Variants in EPHB1 observed in about 807,000 individuals in gnomAD.
EPHB1 encodes ephrin type-B receptor 1.
EPHB1 carries 30 observed loss-of-function variants against 94.4 expected under a neutral mutation model. That is an observed-to-expected ratio of 0.32 (90% CI 0.24 to 0.43). The LOEUF (loss-of-function observed/expected upper bound fraction) is 0.43. Ranked by LOEUF, EPHB1 falls within the 20% of genes least tolerant of loss-of-function variation. The pLI, the probability that EPHB1 is intolerant of heterozygous loss-of-function variation, is 1.00. For synonymous variants in EPHB1, 522 were observed against 489.1 expected, an observed-to-expected ratio of 1.07 and a Z score of -0.89; for missense variants, 1,055 against 1,308.3, an observed-to-expected ratio of 0.81 and a Z score of 2.99.
At chr3:134,807,677 C>A (rs1487478044) in intron 1 of EPHB1, among the ~76,000 whole-genome samples, 1 of 152,060 alleles carries the variant, frequency 6.6e-6, no homozygotes, top group Non-Finnish European at 1.5e-5. Flanking sequence ...CTGTCAAGGT[C>A]CCAGCAGAAA....
intron 10 of EPHB1, among the ~76,000 whole-genome samples, chr3:135,183,247 TCTTCCTTCCTTC>T (rs61228471): frequency 3.9e-4 from 36 of 91,394 alleles, no homozygotes; most frequent in East Asian, 3.2e-3. Context: ...TCCCTCCCTT[TCTTCCTTCCTTC>T]CTTCCTTCCT....
intron 3 of EPHB1, among the ~76,000 whole-genome samples, chr3:135,042,066 C>G (rs1166034678): frequency 6.6e-6 from 1 of 152,222 alleles, no homozygotes. Context: ...GTAGCTGAGA[C>G]TACAGGCCTG....
chr3:134,868,427 G>A (rs748670606), intron 1 of EPHB1, among the ~76,000 whole-genome samples: 1 of 152,218 alleles, frequency 6.6e-6, no homozygotes, highest in Non-Finnish European at 1.5e-5. Flanking sequence ...TGCAATGAAG[G>A]TTACAAGGAA....
At chr3:135,256,166 T>A (rs1221055587) in intron 15 of EPHB1, among the ~76,000 whole-genome samples, 2 of 152,284 alleles carry the variant, frequency 1.3e-5, no homozygotes, top group Non-Finnish European at 2.9e-5. Context: ...TCTTGACTCT[T>A]TATCCAATTT....
At chr3:135,007,815 T>C (rs1228316969) in intron 3 of EPHB1, among the ~76,000 whole-genome samples, 2 of 152,242 alleles carry the variant, frequency 1.3e-5, no homozygotes, top group East Asian at 3.8e-4. Context: ...CCTGATTTGA[T>C]ATACATCTTG....
At chr3:135,114,030 T>G (rs1321558234) in intron 4 of EPHB1, among the ~76,000 whole-genome samples, 1 of 152,232 alleles carries the variant, frequency 6.6e-6, no homozygotes, top group African/African-American at 2.4e-5. Flanking sequence ...ACTGAAACTG[T>G]GAGCTCCCAC....
At chr3:135,017,099 G>T (rs541165624) in intron 3 of EPHB1, among the ~76,000 whole-genome samples, 3 of 152,316 alleles carry the variant, frequency 2.0e-5, no homozygotes, top group African/African-American at 7.2e-5. Context: ...ATGTGAATAA[G>T]TATTTGTGAT....
At chr3:135,021,294 G>C (rs1478259064) in intron 3 of EPHB1, among the ~76,000 whole-genome samples, 1 of 151,996 alleles carries the variant, frequency 6.6e-6, no homozygotes, top group South Asian at 2.1e-4. Context: ...ATTAATTTGG[G>C]AATTGATTGT....
chr3:135,169,792 A>G (rs946655882), intron 9 of EPHB1, among the ~76,000 whole-genome samples: 8 of 152,208 alleles, frequency 5.3e-5, no homozygotes, highest in African/African-American at 2.4e-5. Flanking sequence ...TAGGAGGGTT[A>G]AGTGACTTAT....
intron 3 of EPHB1, among the ~76,000 whole-genome samples, chr3:135,040,158 T>C (rs1371258322): frequency 6.6e-6 from 1 of 152,240 alleles, no homozygotes; most frequent in African/African-American, 2.4e-5. Flanking sequence ...ACTCTGCCAC[T>C]TACTTGCTGT....
intron 4 of EPHB1, among the ~76,000 whole-genome samples, chr3:135,118,960 T>C (rs928434900): frequency 6.6e-6 from 1 of 152,206 alleles, no homozygotes; most frequent in Non-Finnish European, 1.5e-5. Context: ...CAATCAATAT[T>C]ACAAAGTGTT....
chr3:134,913,550 G>A (rs1019958721), intron 1 of EPHB1, among the ~76,000 whole-genome samples: 2 of 152,306 alleles, frequency 1.3e-5, no homozygotes, highest in Admixed American at 6.5e-5. Flanking sequence ...CTGTGGATGC[G>A]AGGAAAGACT....
At chr3:135,116,931 G>A (rs1466693030) in intron 4 of EPHB1, among the ~76,000 whole-genome samples, 1 of 152,180 alleles carries the variant, frequency 6.6e-6, no homozygotes, top group African/African-American at 2.4e-5. Context: ...GGTAATACAT[G>A]TGGATGTCGC....
In EPHB1 at chr3:135,050,320, C is replaced by T. The variant is rs536331346; in HGVS notation, c.806-56128C>T. Reference sequence around the variant, plus strand: ...ACAGCCACTGTTATTCTGTAAAAGTCACCTTGATCCCCATGCCCCAAATGG... The same window carrying T: ...ACAGCCACTGTTATTCTGTAAAAGTTACCTTGATCCCCATGCCCCAAATGG... On this transcript the variant is annotated intron_variant, in intron 3 of 15. Transcript: ENST00000398015. 3.3e-5 allele frequency among the ~76,000 whole-genome samples: 5 copies of T among 152,206 alleles called. No homozygotes were observed. The South Asian group carries it at 1.0e-3, about 32-fold the overall frequency.
chr3:135,030,669 G>A (rs1358569595), intron 3 of EPHB1, among the ~76,000 whole-genome samples: 5 of 152,230 alleles, frequency 3.3e-5, no homozygotes, highest in Non-Finnish European at 5.9e-5. Context: ...GGTTACTGCT[G>A]TCTTTTTGTT....
chr3:135,019,615 G>A (rs1480772716), intron 3 of EPHB1, among the ~76,000 whole-genome samples: 1 of 152,108 alleles, frequency 6.6e-6, no homozygotes, highest in Admixed American at 6.5e-5. Flanking sequence ...TTTTATTTTA[G>A]CATTGTGTGT....
intron 12 of EPHB1, among the ~76,000 whole-genome samples, chr3:135,235,189 G>C (rs1031490249): frequency 6.6e-6 from 1 of 152,212 alleles, no homozygotes; most frequent in African/African-American, 2.4e-5. Context: ...GTAGTCATTA[G>C]TCAAAACCTC....
chr3:135,047,128 A>C (rs1329690788), intron 3 of EPHB1, among the ~76,000 whole-genome samples: 2 of 152,130 alleles, frequency 1.3e-5, no homozygotes, highest in Non-Finnish European at 2.9e-5. Context: ...CGGCAGGTTC[A>C]CTTCTCCTAC....
At chr3:135,191,351 C>CT (rs1942451115) in intron 10 of EPHB1, among the ~76,000 whole-genome samples, 2 of 152,142 alleles carry the variant, frequency 1.3e-5, no homozygotes, top group South Asian at 2.1e-4. Flanking sequence ...TCCTTCCAAT[C>CT]TTTTTTGCAG....
Sources: allele counts gnomAD v4.1 joint callset (sites outside exome capture counted in the v4.1 genomes callset), GRCh38; gene constraint gnomAD v4.1.1; transcripts MANE v1.5; gene names NCBI Gene and HGNC (gene_info 2026-07-23, HGNC 2026-07-21).